Variants in TBC1D22A observed in about 807,000 individuals in gnomAD.
TBC1D22A encodes putative GTPase activator.
TBC1D22A carries 38 observed loss-of-function variants against 60.2 expected under a neutral mutation model. The observed-to-expected ratio is 0.63, with a 90% confidence interval of 0.49 to 0.83. The LOEUF (loss-of-function observed/expected upper bound fraction) is 0.83. Among genes scored for constraint, TBC1D22A ranks in the 40% least tolerant of loss-of-function variants. The probability of loss-of-function intolerance (pLI) is 0.00; values close to 1 mark genes in which losing one functional copy is unlikely to be tolerated. For synonymous variants in TBC1D22A, 302 were observed against 281.7 expected (o/e 1.07, Z -0.72); for missense variants, 628 against 701.0 (o/e 0.90, Z 1.18).
intron 11 of TBC1D22A, among the ~76,000 whole-genome samples, chr22:47,081,694 T>G (rs928751515): frequency 2.6e-5 from 4 of 152,210 alleles, no homozygotes; most frequent in Non-Finnish European, 4.4e-5. Flanking sequence ...GAAGTTGATA[T>G]CATTTTATAA....
intron 8 of TBC1D22A, among the ~76,000 whole-genome samples, chr22:46,945,668 G>T (rs2072491027): frequency 6.6e-6 from 1 of 152,160 alleles, no homozygotes; most frequent in Admixed American, 6.5e-5. Context: ...GAGTCCTTCT[G>T]CCCTTTCCTC....
intron 4 of TBC1D22A, among the ~76,000 whole-genome samples, chr22:46,875,118 C>G (rs1015285320): frequency 6.6e-6 from 1 of 152,122 alleles, no homozygotes. Flanking sequence ...GAGCGTTCAT[C>G]GCAGCCTATT....
intron 11 of TBC1D22A, among the ~76,000 whole-genome samples, chr22:47,096,770 C>A (rs773675170): frequency 1.3e-5 from 2 of 151,952 alleles, no homozygotes; most frequent in Non-Finnish European, 2.9e-5. Flanking sequence ...TGCAGTGAGC[C>A]GAGATTGTGC....
chr22:46,935,865 T>C (rs2071621290), intron 8 of TBC1D22A, among the ~76,000 whole-genome samples: 1 of 152,132 alleles, frequency 6.6e-6, no homozygotes, highest in Non-Finnish European at 1.5e-5. Flanking sequence ...CCCGTGTCTC[T>C]GTAGCCTTTG....
At chr22:47,123,541 C>T (rs569311904) in intron 12 of TBC1D22A, among the ~76,000 whole-genome samples, 20 of 152,232 alleles carry the variant, frequency 1.3e-4, no homozygotes, top group Non-Finnish European at 2.6e-4. Flanking sequence ...CAGGCCTCAA[C>T]CTGCCCATTG....
At chr22:47,170,182 C>A (rs1180834504) in intron 12 of TBC1D22A, among the ~76,000 whole-genome samples, 1 of 152,188 alleles carries the variant, frequency 6.6e-6, no homozygotes, top group Non-Finnish European at 1.5e-5. Context: ...CCTTCTTTAG[C>A]ATTGCAGGCT....
chr22:47,091,985 A>G (rs144273762), intron 11 of TBC1D22A, among the ~76,000 whole-genome samples: 145 of 152,324 alleles, frequency 9.5e-4, no homozygotes, highest in Non-Finnish European at 4.7e-4. Context: ...GTACTCGTGT[A>G]CTGGACATCA....
chr22:46,875,656 T>C (rs1474235590), intron 4 of TBC1D22A, among the ~76,000 whole-genome samples: 1 of 152,176 alleles, frequency 6.6e-6, no homozygotes, highest in African/African-American at 2.4e-5. Context: ...TTCACCATGT[T>C]GGCCAGGCTA....
chr22:46,850,016 C>G (rs373834673), intron 4 of TBC1D22A, among the ~76,000 whole-genome samples: 2 of 152,166 alleles, frequency 1.3e-5, no homozygotes, highest in East Asian at 3.9e-4. Context: ...GTTAGCTGCC[C>G]CTGGAACAGC....
chr22:46,785,115 G>A (rs550989563), intron 1 of TBC1D22A, among the ~76,000 whole-genome samples: 1 of 152,318 alleles, frequency 6.6e-6, no homozygotes, highest in South Asian at 2.1e-4. Flanking sequence ...TCTGCTCATA[G>A]GGTTTGTGGG....
intron 10 of TBC1D22A, among the ~76,000 whole-genome samples, chr22:46,999,859 A>G (rs1032145729): frequency 1.3e-5 from 2 of 152,122 alleles, no homozygotes; most frequent in Admixed American, 1.3e-4. Context: ...CCCTGTCTCT[A>G]CTAAAAATAC....
At chr22:46,852,267 C>T (rs1173900514) in intron 4 of TBC1D22A, among the ~76,000 whole-genome samples, 1 of 152,218 alleles carries the variant, frequency 6.6e-6, no homozygotes, top group Non-Finnish European at 1.5e-5. Flanking sequence ...GAGGCTCCCT[C>T]CCATCCCAGG....
At chr22:46,885,243 C>T (rs1041388854) in intron 5 of TBC1D22A, among the ~76,000 whole-genome samples, 1 of 152,058 alleles carries the variant, frequency 6.6e-6, no homozygotes, top group Non-Finnish European at 1.5e-5. Context: ...CGGATTTGTC[C>T]CCAGGTCTTC....
chr22:46,774,576 C>G (rs147621889), intron 1 of TBC1D22A, among the ~76,000 whole-genome samples: 1 of 152,188 alleles, frequency 6.6e-6, no homozygotes, highest in Non-Finnish European at 1.5e-5. Flanking sequence ...GGCAGCCCCC[C>G]GGGGCAGGGC....
chr22:46,971,717 A>G (rs908810025), intron 8 of TBC1D22A, among the ~76,000 whole-genome samples: 3 of 152,358 alleles, frequency 2.0e-5, no homozygotes, highest in African/African-American at 7.2e-5. Context: ...CACACTGATC[A>G]GCGCGTGGAG....
chr22:46,946,678 A>T (rs1057137001), intron 8 of TBC1D22A, among the ~76,000 whole-genome samples: 3 of 152,106 alleles, frequency 2.0e-5, no homozygotes, highest in African/African-American at 7.2e-5. Context: ...GGCAGTTTTC[A>T]TTTTGAGGTG....
chr22:47,123,559 G>C (rs1329393116), intron 12 of TBC1D22A, among the ~76,000 whole-genome samples: 2 of 152,340 alleles, frequency 1.3e-5, no homozygotes, highest in East Asian at 3.9e-4. Context: ...TTGGCTCACA[G>C]AATGGCCCGT....
intron 9 of TBC1D22A, 115 bp downstream of exon 9, chr22:46,974,514 C>T: frequency 1.2e-6 from 1 of 823,890 alleles, no homozygotes; most frequent in Non-Finnish European, 2.0e-6. Context: ...CCTCCTGAAG[C>T]CTCACTTTTC....
At chr22:47,036,873 G>A (rs575390873) in intron 10 of TBC1D22A, among the ~76,000 whole-genome samples, 198 bp from the exon 11 acceptor site, 68 of 152,324 alleles carry the variant, frequency 4.5e-4, no homozygotes, top group Middle Eastern at 3.4e-3. Flanking sequence ...ACCATCTTTC[G>A]CTTTCCTGTA....
Sources: allele counts gnomAD v4.1 joint callset (sites outside exome capture counted in the v4.1 genomes callset), GRCh38; gene constraint gnomAD v4.1.1; transcripts MANE v1.5; gene names NCBI Gene and HGNC (gene_info 2026-07-23, HGNC 2026-07-21).